The following CTNND2 variants were observed in gnomAD, a reference collection of about 807,000 sequenced individuals.
The protein encoded by CTNND2 is catenin delta 2.
Under a neutral mutation model 144.4 loss-of-function variants are expected in CTNND2, and 22 were observed. That is an observed-to-expected ratio of 0.15 (90% CI 0.11 to 0.22). The LOEUF (loss-of-function observed/expected upper bound fraction) is 0.22. Among genes scored for constraint, CTNND2 ranks in the 10% least tolerant of loss-of-function variants. CTNND2 has a pLI of 1.00. For synonymous variants in CTNND2, 751 were observed against 695.6 expected, an observed-to-expected ratio of 1.08 and a Z score of -1.25; for missense variants, 1,353 against 1,618.8, an observed-to-expected ratio of 0.84 and a Z score of 2.82.
intron 9 of CTNND2, among the ~76,000 whole-genome samples, chr5:11,279,352 A>T (rs1427348840): frequency 1.3e-5 from 2 of 152,136 alleles, no homozygotes; most frequent in Non-Finnish European, 2.9e-5. Flanking sequence ...GCCTATATTC[A>T]ACCCATCAAC....
At chr5:11,205,959 C>G (rs191884219) in intron 10 of CTNND2, among the ~76,000 whole-genome samples, 100 of 152,292 alleles carry the variant, frequency 6.6e-4, no homozygotes, top group Non-Finnish European at 1.2e-3. Flanking sequence ...AAAGCATGAA[C>G]AAAGTGTGAA....
intron 2 of CTNND2, among the ~76,000 whole-genome samples, chr5:11,625,224 T>C (rs918396560): frequency 1.3e-5 from 2 of 152,122 alleles, no homozygotes; most frequent in Admixed American, 6.6e-5. Flanking sequence ...TTCACTCCAC[T>C]AACTCTCTTG....
chr5:11,028,071 G>C (rs999386231), intron 16 of CTNND2, among the ~76,000 whole-genome samples: 5 of 152,138 alleles, frequency 3.3e-5, no homozygotes, highest in African/African-American at 4.8e-5. Context: ...CAGACAACAG[G>C]GAAGTCACTT....
chr5:11,888,908 T>C (rs1049747421), intron 1 of CTNND2, among the ~76,000 whole-genome samples: 3 of 152,000 alleles, frequency 2.0e-5, no homozygotes, highest in African/African-American at 7.3e-5. Context: ...CGTACCACCA[T>C]GCCCAGCTAA....
chr5:11,624,210 T>C (rs1781029612), intron 2 of CTNND2, among the ~76,000 whole-genome samples: 1 of 152,048 alleles, frequency 6.6e-6, no homozygotes. Flanking sequence ...ATTGGATCCT[T>C]GGGACAAATC....
At chr5:11,117,075 TA>T (rs113341154) in intron 13 of CTNND2, among the ~76,000 whole-genome samples, 21,631 of 131,524 alleles carry the variant, frequency 0.16, 2,484 homozygotes, top group East Asian at 0.47. Flanking sequence ...TCTCAAAAAA[TA>T]AAAAAAAAAA....
chr5:11,004,603 A>G (rs1740287148), intron 18 of CTNND2, among the ~76,000 whole-genome samples: 1 of 152,034 alleles, frequency 6.6e-6, no homozygotes, highest in Non-Finnish European at 1.5e-5. Flanking sequence ...GTCTCTACTA[A>G]AAGTACAAAA....
At chr5:11,693,588 T>C (rs751000783) in intron 2 of CTNND2, among the ~76,000 whole-genome samples, 1 of 152,248 alleles carries the variant, frequency 6.6e-6, no homozygotes, top group Non-Finnish European at 1.5e-5. Context: ...TTAACAAATC[T>C]TCAATGCAAT....
chr5:11,765,740 C>G (rs1789547818), intron 1 of CTNND2, among the ~76,000 whole-genome samples: 1 of 152,088 alleles, frequency 6.6e-6, no homozygotes, highest in African/African-American at 2.4e-5. Flanking sequence ...AAGGAATTCA[C>G]CTCCACAGGC....
At chr5:11,877,752 C>T (rs1735672530) in intron 1 of CTNND2, among the ~76,000 whole-genome samples, 1 of 151,800 alleles carries the variant, frequency 6.6e-6, no homozygotes, top group Non-Finnish European at 1.5e-5. Flanking sequence ...TCATATTCTA[C>T]CAAGAGGTAT....
At chr5:11,864,794 G>T (rs1180443167) in intron 1 of CTNND2, among the ~76,000 whole-genome samples, 1 of 151,442 alleles carries the variant, frequency 6.6e-6, no homozygotes, top group Non-Finnish European at 1.5e-5. Flanking sequence ...TGTCCCTCAG[G>T]TGGCAAAACT....
chr5:11,865,788 G>A (rs1795731938), intron 1 of CTNND2, among the ~76,000 whole-genome samples: 1 of 150,824 alleles, frequency 6.6e-6, no homozygotes. Flanking sequence ...GGAAGAAGAG[G>A]AGAACTATAG....
At chr5:11,572,361 T>C (rs1041109591) in intron 2 of CTNND2, among the ~76,000 whole-genome samples, 1 of 152,188 alleles carries the variant, frequency 6.6e-6, no homozygotes, top group Admixed American at 6.5e-5. Flanking sequence ...CTGTGTCCTC[T>C]ATTTCTGAAA....
chr5:11,834,615 A>T (rs1286876355), intron 1 of CTNND2, among the ~76,000 whole-genome samples: 3 of 152,356 alleles, frequency 2.0e-5, no homozygotes, highest in African/African-American at 7.2e-5. Context: ...CAAAGTACTC[A>T]GTAAAACTGA....
At chr5:10,987,135 G>GGT (rs1738080401) in intron 20 of CTNND2, among the ~76,000 whole-genome samples, 2 of 152,214 alleles carry the variant, frequency 1.3e-5, no homozygotes, top group African/African-American at 2.4e-5. Context: ...GGTCCCCGTT[G>GGT]AAAGGTCCTC....
intron 2 of CTNND2, among the ~76,000 whole-genome samples, chr5:11,623,808 GTATATATATATATATATATATATATA>G (rs58954001): frequency 0.017 from 674 of 40,748 alleles, 32 homozygotes; most frequent in Non-Finnish European, 0.019. Flanking sequence ...ATGTGTGTAT[GTATATATATATATATATATATATATA>G]TATATATATA....
At chr5:11,822,591 C>T (rs1793373881) in intron 1 of CTNND2, among the ~76,000 whole-genome samples, 1 of 151,940 alleles carries the variant, frequency 6.6e-6, no homozygotes, top group African/African-American at 2.4e-5. Context: ...ATTATCATTA[C>T]CACAAATAAG....
intron 12 of CTNND2, among the ~76,000 whole-genome samples, chr5:11,118,600 A>T (rs1201271642): frequency 6.6e-6 from 1 of 152,072 alleles, no homozygotes; most frequent in Non-Finnish European, 1.5e-5. Context: ...TGATGTTGAG[A>T]ACTCAGACCC....
chr5:11,726,189 G>A (rs1458610440), intron 2 of CTNND2, among the ~76,000 whole-genome samples: 5 of 152,028 alleles, frequency 3.3e-5, no homozygotes, highest in Middle Eastern at 3.4e-3. Context: ...TTTTCATACT[G>A]TGAAAATGGA....
Sources: gnomAD v4.1 joint callset for allele counts (sites outside exome capture counted in the v4.1 genomes callset) on GRCh38, gnomAD v4.1.1 for gene constraint, MANE v1.5 for transcripts, NCBI Gene and HGNC (gene_info 2026-07-23, HGNC 2026-07-21) for gene names.